TTLL5: variants seen among roughly 807,000 people sequenced by gnomAD.
The protein encoded by TTLL5 is tubulin polyglutamylase TTLL5.
A neutral mutation model predicts 168.4 loss-of-function variants in TTLL5; 132 were observed. That is an observed-to-expected ratio of 0.78 (90% confidence interval 0.68 to 0.91). The LOEUF (loss-of-function observed/expected upper bound fraction) is 0.91. Ranked by LOEUF, TTLL5 falls within the 40% of genes least tolerant of loss-of-function variation. TTLL5 has a pLI of 0.00. For synonymous variants in TTLL5, 546 were observed against 558.6 expected (o/e 0.98, Z 0.32); for missense variants, 1,545 against 1,581.5 (o/e 0.98, Z 0.39).
chr14:75,869,064 T>TGTGTGTGTG (rs2030794576), intron 29 of TTLL5, among the ~76,000 whole-genome samples: 1 of 92,268 alleles, frequency 1.1e-5, no homozygotes, highest in African/African-American at 5.1e-5. Context: ...GTGTGTGTGT[T>TGTGTGTGTG]TAAGTTCCAG....
chr14:75,854,034 C>T (rs1897008456), intron 28 of TTLL5, among the ~76,000 whole-genome samples: 1 of 151,646 alleles, frequency 6.6e-6, no homozygotes, highest in African/African-American at 2.4e-5. Flanking sequence ...CAGAGCAAGA[C>T]TCCGTCTCAA....
intron 26 of TTLL5, among the ~76,000 whole-genome samples, chr14:75,792,367 TATA>T (rs1356793687): frequency 6.6e-6 from 1 of 151,130 alleles, no homozygotes; most frequent in African/African-American, 2.4e-5. Flanking sequence ...GAACTTAAAG[TATA>T]ATAATAATAA....
chr14:75,910,057 T>C (rs1387225694), intron 31 of TTLL5, among the ~76,000 whole-genome samples: 1 of 152,208 alleles, frequency 6.6e-6, no homozygotes, highest in Non-Finnish European at 1.5e-5. Context: ...TCATTGGCCT[T>C]GAAGAAAACC....
intron 5 of TTLL5, among the ~76,000 whole-genome samples, chr14:75,685,403 T>G (rs577031906): frequency 2.6e-4 from 39 of 151,494 alleles, no homozygotes; most frequent in African/African-American, 8.7e-4. Context: ...AAGGGTGGTG[T>G]TATGATTTTG....
chr14:75,895,735 T>C (rs1423170397), intron 30 of TTLL5, among the ~76,000 whole-genome samples: 1 of 152,078 alleles, frequency 6.6e-6, no homozygotes, highest in African/African-American at 2.4e-5. Context: ...TAAAAATAAG[T>C]GAGTTAATTG....
chr14:75,819,103 G>A (rs1333480271), intron 27 of TTLL5, among the ~76,000 whole-genome samples: 1 of 152,102 alleles, frequency 6.6e-6, no homozygotes, highest in African/African-American at 2.4e-5. Flanking sequence ...TGAGATGTGT[G>A]CGACGTACTC....
chr14:75,866,167 C>G (rs2030500264), intron 29 of TTLL5, among the ~76,000 whole-genome samples: 1 of 152,184 alleles, frequency 6.6e-6, no homozygotes. Context: ...TTAGAGGGTA[C>G]TTAGAATCAT....
At chr14:75,865,278 T>A (rs78139860) in intron 29 of TTLL5, among the ~76,000 whole-genome samples, 8 of 151,902 alleles carry the variant, frequency 5.3e-5, no homozygotes, top group African/African-American at 1.5e-4. Flanking sequence ...TTTTTTTTTT[T>A]AATCTGTGTT....
intron 29 of TTLL5, among the ~76,000 whole-genome samples, chr14:75,878,130 G>A (rs1029938201): frequency 2.6e-5 from 4 of 152,224 alleles, no homozygotes; most frequent in Non-Finnish European, 5.9e-5. Context: ...TGGAAAGAGT[G>A]TCTGCCTTCT....
intron 10 of TTLL5, among the ~76,000 whole-genome samples, chr14:75,718,996 A>G (rs1887656407): frequency 6.6e-6 from 1 of 152,234 alleles, no homozygotes; most frequent in South Asian, 2.1e-4. Flanking sequence ...CCACTGTGAA[A>G]GATGAGCAAA....
chr14:75,669,296 T>A, intron 2 of TTLL5, 120 bp from the exon 3 acceptor site: 1 of 845,130 alleles, frequency 1.2e-6, no homozygotes, highest in Non-Finnish European at 1.9e-6. Flanking sequence ...CACAGGATAT[T>A]TGGGATTTGT....
At chr14:75,804,699 A>C (rs574308449) in intron 27 of TTLL5, among the ~76,000 whole-genome samples, 3 of 152,344 alleles carry the variant, frequency 2.0e-5, no homozygotes, top group South Asian at 4.1e-4. Context: ...AGGAAAGGGT[A>C]AATAGAAAAA....
intron 17 of TTLL5, among the ~76,000 whole-genome samples, chr14:75,749,919 C>T (rs1469035159): frequency 6.6e-6 from 1 of 152,086 alleles, no homozygotes; most frequent in African/African-American, 2.4e-5. Context: ...ATTATTTACA[C>T]ATATAATAAG....
chr14:75,783,211 T>C lies in TTLL5; in HGVS notation c.2667T>C (p.Thr889=). Residue 889 remains threonine (T), a synonymous_variant, in exon 26 of 32, where the codon ACT becomes ACC. Transcript: ENST00000298832. ...ATAGCAATTCCTCCTCTGGTCCTACTGCTACTCTGCAGAAAATTCCCAACA... is the reference window on the plus strand; with the variant it reads ...ATAGCAATTCCTCCTCTGGTCCTACCGCTACTCTGCAGAAAATTCCCAACA... ...LVYSNSSSGP[T]ATLQKIPNTH... is the part of the protein sequence containing the mutation. 2 of 1,614,160 alleles carry C rather than the reference T, an allele frequency of 1.2e-6. No homozygotes were observed. Among genetic ancestry groups the C allele is most frequent in the Non-Finnish European group, 1.7e-6 (2 of 1,180,028 alleles).
chr14:75,703,889 A>C (rs148206300), intron 7 of TTLL5, among the ~76,000 whole-genome samples: 1 of 152,256 alleles, frequency 6.6e-6, no homozygotes, highest in Non-Finnish European at 1.5e-5. Flanking sequence ...ATTATTATGT[A>C]TCTCCAATTT....
intron 27 of TTLL5, among the ~76,000 whole-genome samples, chr14:75,809,885 A>C (rs1267539905): frequency 6.6e-6 from 1 of 152,162 alleles, no homozygotes; most frequent in Non-Finnish European, 1.5e-5. Flanking sequence ...ATGTTCTGCA[A>C]ATGACAGGAT....
intron 30 of TTLL5, among the ~76,000 whole-genome samples, chr14:75,888,237 T>C (rs1467874667): frequency 2.0e-5 from 3 of 152,146 alleles, no homozygotes; most frequent in Non-Finnish European, 4.4e-5. Context: ...CAACCACACC[T>C]AATCAAAAGT....
At position 75,781,224 on chromosome 14, in the gene TTLL5, T is replaced by A. The variant is rs116575002; in HGVS notation, c.2516-1263T>A. ...TATACTGATAGGTCATTCAAAATTC[T>A]AGGGTTTGTGTTTTAAGGACTACCT... On this transcript the variant is annotated intron_variant, in intron 24 of 31. Transcript: ENST00000298832. Among the ~76,000 whole-genome samples, 286 of 152,330 alleles carry A rather than the reference T, an allele frequency of 1.9e-3. 1 individual carries two copies. The highest frequency in any genetic ancestry group is 6.4e-3 in the African/African-American group (268 of 41,574).
intron 28 of TTLL5, among the ~76,000 whole-genome samples, chr14:75,827,640 T>C (rs1442315013): frequency 6.7e-6 from 1 of 150,342 alleles, no homozygotes; most frequent in Non-Finnish European, 1.5e-5. Context: ...TTTTCATGAA[T>C]TATCAAGCTA....
Sources: allele counts gnomAD v4.1 joint callset (sites outside exome capture counted in the v4.1 genomes callset), GRCh38; gene constraint gnomAD v4.1.1; transcripts MANE v1.5; gene names NCBI Gene and HGNC (gene_info 2026-07-23, HGNC 2026-07-21).